RNF166: variants seen among roughly 807,000 people sequenced by gnomAD.
RNF166 encodes the protein ring finger protein 166, also known as E3 ubiquitin-protein ligase RNF166.
RNF166 carries 19 observed loss-of-function variants against 29.4 expected under a neutral mutation model. The ratio of observed to expected loss-of-function variants is 0.65; its 90% CI spans 0.45 to 0.95. The LOEUF (loss-of-function observed/expected upper bound fraction) is 0.95, where lower values mean the gene tolerates loss of function less well. RNF166 is among the 40% of genes least tolerant of loss of function. The probability of loss-of-function intolerance (pLI) is 0.00; values close to 1 mark genes in which losing one functional copy is unlikely to be tolerated. For synonymous variants in RNF166, 171 were observed against 134.5 expected, an observed-to-expected ratio of 1.27 and a Z score of -1.88; for missense variants, 347 against 322.1, an observed-to-expected ratio of 1.08 and a Z score of -0.59.
chr16:88,706,283 G>A lies in RNF166; in HGVS notation c.43C>T (p.Gln15Ter). The change falls in exon 1 of 6, where the codon CAG (glutamine) becomes TAG (stop). Residue 15 changes from glutamine (Q) to a stop codon, truncating the protein, a stop_gained. Transcript: ENST00000312838. LOFTEE classifies it high-confidence loss of function. Reference protein sequence around the residue: ...RSLVASAQQRQPPAGPAGGDS... With the variant: ...RSLVASAQQR ...CCGCCCGCCGGCCCGGCCGGCGGCT[G>A]CCGCTGCTGAGCCGAGGCCACCAGG... 1.5e-6 allele frequency: 2 copies of A among 1,295,218 alleles called. No homozygotes were observed. Among genetic ancestry groups the A allele is most frequent in the South Asian group, 2.0e-5 (1 of 49,798 alleles). The allele number at this position is 1,295,218 out of a possible 1,614,324, so 80.2% of individuals were successfully genotyped here.
At position 88,697,465 on chromosome 16, in the gene RNF166, G is replaced by T. The variant is rs1012639089; in HGVS notation, c.*103C>A. On this transcript the variant is annotated 3_prime_UTR_variant, in exon 6 of 6. Transcript: ENST00000312838. The stretch of plus-strand genomic sequence containing the variant: ...TTCTGCGCGGGTGCAGGCTCCTCCT[G>T]TGAGCTCAGTCCGGTGAGGTGCGCT... 5.9e-6 allele frequency: 5 copies of T among 849,082 alleles called. No individual in the cohort carries two copies. The highest frequency in any genetic ancestry group is 2.3e-5 in the Admixed American group (1 of 44,034). 52.6% of individuals were successfully genotyped at this position (849,082 alleles called of 1,614,324 possible).
intron 5 of RNF166, chr16:88,698,103 G>A (rs1307265749): frequency 1.7e-6 from 1 of 584,550 alleles, no homozygotes; most frequent in African/African-American, 1.9e-5. Flanking sequence ...AGGCCCGGGG[G>A]CCAGGTGTGT....
chr16:88,699,939 G>A (rs1055496347), intron 2 of RNF166: 12 of 467,104 alleles, frequency 2.6e-5, no homozygotes, highest in Non-Finnish European at 4.6e-5. Context: ...AGTCACTGCA[G>A]GACAATCTGG....
rs778639362 is a variant in RNF166 at position 88,698,991 on chromosome 16, G to A, written c.520C>T (p.Arg174Cys). Residue 174 changes from arginine (R) to cysteine (C), a missense_variant, in exon 4 of 6, where the codon CGC becomes TGC. Coordinates refer to ENST00000312838, the MANE Select transcript of RNF166 (RefSeq NM_178841.4). Reference protein sequence around the residue: ...ELVKHCVESHRSDPNRVVCPI... With the variant: ...ELVKHCVESHCSDPNRVVCPI... Reference sequence around the variant, plus strand: ...CTCACCACGCGGTTGGGGTCGCTGCGGTGGCTTTCCACACAGTGCTTCACC... The same window carrying A: ...CTCACCACGCGGTTGGGGTCGCTGCAGTGGCTTTCCACACAGTGCTTCACC... 1.1e-5 allele frequency: 18 copies of A among 1,602,486 alleles called. No homozygotes were observed. The highest frequency in any genetic ancestry group is 1.4e-5 in the Non-Finnish European group (16 of 1,174,994).
At chr16:88,697,712 G>C (rs1229769914) in intron 5 of RNF166, 79 bp from the exon 6 acceptor site, 7 of 1,060,718 alleles carry the variant, frequency 6.6e-6, no homozygotes, top group Admixed American at 6.1e-5. Context: ...ACCCACACAG[G>C]CGTGTCCACC....
At position 88,706,197 on chromosome 16, in the gene RNF166, G is replaced by A; in HGVS notation, c.129C>T (p.Pro43=). 1.5e-6 allele frequency: 2 copies of A among 1,300,684 alleles called. No individual in the cohort carries two copies. The highest frequency in any genetic ancestry group is 2.7e-4 in the Middle Eastern group (1 of 3,688). 80.6% of individuals were successfully genotyped at this position (1,300,684 alleles called of 1,614,324 possible). The part of the protein sequence containing the change: ...CPICLEVYHR[P]VAIGSCGHTF... ...TGTGGCCGCAGCTGCCGATGGCCAC[G>A]GGCCGGTGATAGACCTCCAGGCAGA... Residue 43 remains proline (P), a synonymous_variant, in exon 1 of 6, where the codon CCC becomes CCT. Coordinates refer to ENST00000312838, the MANE Select transcript of RNF166 (RefSeq NM_178841.4).
intron 1 of RNF166, among the ~76,000 whole-genome samples, chr16:88,702,441 G>A (rs1252821090): frequency 6.6e-6 from 1 of 152,358 alleles, no homozygotes; most frequent in East Asian, 1.9e-4. Context: ...CAGAGGGGCT[G>A]TGGGCAGGCC....
intron 1 of RNF166, chr16:88,703,943 C>G: frequency 2.0e-6 from 2 of 985,484 alleles, no homozygotes; most frequent in East Asian, 1.1e-4. Flanking sequence ...CAGGCAGGTT[C>G]GTGATCACGC....
rs188745071 is a variant in RNF166, at chr16:88,699,605, C to T, written c.425+15G>A. The T allele has an allele frequency of 4.2e-5, 67 of 1,597,218 alleles. No homozygotes were observed. Among genetic ancestry groups the T allele is most frequent in the Admixed American group, 2.0e-4 (12 of 59,604 alleles). On this transcript the variant is annotated intron_variant, in intron 3 of 5. Coordinates refer to ENST00000312838, the MANE Select transcript of RNF166 (RefSeq NM_178841.4). ...CCGAGGACAGTTCCTCTCCCTTGCC[C>T]GGCAGCGTGCCTACCTGGGGATAGG...
In RNF166 at chr16:88,697,411, C is replaced by G; in HGVS notation, c.*157G>C. 1 of 572,670 alleles carries G rather than the reference C, an allele frequency of 1.7e-6. No individual in the cohort carries two copies. Among genetic ancestry groups the G allele is most frequent in the Non-Finnish European group, 3.1e-6 (1 of 322,394 alleles). The allele number at this position is 572,670 out of a possible 1,614,324, so 35.5% of individuals were successfully genotyped here. A position where few individuals can be genotyped will look rare whatever the true frequency, so the allele number is the denominator to read the frequency against. Reference sequence around the variant, plus strand: ...GCGGCCTCGGCGGCTGGCCCGTATTCAGGCCCGGAGGCTCGGCCCCGGCTC... The same window carrying G: ...GCGGCCTCGGCGGCTGGCCCGTATTGAGGCCCGGAGGCTCGGCCCCGGCTC... On this transcript the variant is annotated 3_prime_UTR_variant, in exon 6 of 6. Transcript: ENST00000312838.
chr16:88,704,738 C>G (rs1910597878), intron 1 of RNF166, among the ~76,000 whole-genome samples: 1 of 152,194 alleles, frequency 6.6e-6, no homozygotes, highest in Non-Finnish European at 1.5e-5. Context: ...GCCTGTCATC[C>G]CAGCACTTTG....
chr16:88,702,840 A>G (rs1445849129), intron 1 of RNF166: 9 of 985,470 alleles, frequency 9.1e-6, no homozygotes. Context: ...TGACCCCTGG[A>G]TTTGAGCCGG....
intron 1 of RNF166, 83 bp from the exon 2 acceptor site, chr16:88,701,501 C>T (rs1910227653): frequency 7.3e-7 from 1 of 1,361,214 alleles, no homozygotes; most frequent in South Asian, 1.5e-5. Context: ...TTCTTAGGAC[C>T]CAGCATTTGT....
chr16:88,700,680 C>G (rs537707211), intron 2 of RNF166: 1 of 987,792 alleles, frequency 1.0e-6, no homozygotes, highest in East Asian at 1.1e-4. Flanking sequence ...GGCCTCTCCA[C>G]CCTGAAGCGG....
intron 1 of RNF166, among the ~76,000 whole-genome samples, chr16:88,705,793 C>T (rs1910730719): frequency 6.6e-6 from 1 of 152,252 alleles, no homozygotes; most frequent in East Asian, 1.9e-4. Context: ...TACAACTGCC[C>T]ATTCCAGCCG....
intron 1 of RNF166, chr16:88,704,358 C>G (rs1910554988): frequency 1.0e-6 from 1 of 985,310 alleles, no homozygotes; most frequent in Non-Finnish European, 1.2e-6. Flanking sequence ...AAAGCTCTTG[C>G]AGGACCCGCG....
intron 1 of RNF166, chr16:88,703,178 C>T (rs535154407): frequency 3.2e-4 from 313 of 982,590 alleles, no homozygotes; most frequent in Middle Eastern, 5.2e-4. Flanking sequence ...AGAAAGCAGA[C>T]GGGTGGGTGC....
chr16:88,704,438 C>A, intron 1 of RNF166: 2 of 985,382 alleles, frequency 2.0e-6, no homozygotes, highest in Non-Finnish European at 2.4e-6. Context: ...GAAAGATGCT[C>A]CACAATTCCA....
At position 88,699,067 on chromosome 16, in the gene RNF166, G is replaced by A; in HGVS notation, c.444C>T (p.Ser148=). ...QPIPSNIPNR[S]TFACPYCGAR... is the part of the protein sequence containing the mutation. ...CACCACAGTACGGGCAGGCGAAGGT[G>A]GACCTGTTGGGGATGTTGCTGGCGG... is the stretch of plus-strand genomic sequence containing the variant. Residue 148 remains serine, a synonymous_variant, in exon 4 of 6, where the codon TCC becomes TCT. Coordinates refer to ENST00000312838, the MANE Select transcript of RNF166 (RefSeq NM_178841.4). 6.2e-7 allele frequency: 1 copy of A among 1,609,386 alleles called. No homozygotes were observed. The highest frequency in any genetic ancestry group is 8.5e-7 in the Non-Finnish European group (1 of 1,178,140).
Sources: gnomAD v4.1 joint callset for allele counts (sites outside exome capture counted in the v4.1 genomes callset) on GRCh38, gnomAD v4.1.1 for gene constraint, MANE v1.5 for transcripts, NCBI Gene and HGNC (gene_info 2026-07-23, HGNC 2026-07-21) for gene names.